XRCC2: variants seen among roughly 807,000 people sequenced by gnomAD.
XRCC2 encodes X-ray repair cross complementing 2, also known as DNA repair protein XRCC2.
A neutral mutation model predicts 27.3 loss-of-function variants in XRCC2; 24 were observed. The observed-to-expected ratio is 0.88, with a 90% CI of 0.64 to 1.24. The LOEUF (loss-of-function observed/expected upper bound fraction) is 1.24, where lower values mean the gene tolerates loss of function less well. Ranked by LOEUF, XRCC2 falls within the 50% of genes most tolerant of loss-of-function variation. The pLI is 0.00. For synonymous variants in XRCC2, 106 were observed against 115.4 expected (o/e 0.92, Z 0.52); for missense variants, 321 against 325.8 (o/e 0.99, Z 0.11).
At chr7:152,659,683 A>G (rs1278791410) in intron 2 of XRCC2, among the ~76,000 whole-genome samples, 1 of 152,250 alleles carries the variant, frequency 6.6e-6, no homozygotes, top group African/African-American at 2.4e-5. Flanking sequence ...AATTGCTGGC[A>G]ATGCAATGAT....
rs1563032964 is a variant in XRCC2, at chr7:152,667,428, A to AAAAAAAAAG, written c.40-6647_40-6646insCTTTTTTTT. Reference sequence around the variant, plus strand: ...CTCAAAAAAAAAAAAAAAAAAAAAGAAAAAAAGTATTATAATTTTATTGAC... The same window carrying AAAAAAAAAG: ...CTCAAAAAAAAAAAAAAAAAAAAAGAAAAAAAAAGAAAAAAGTATTATAATTTTATTGAC... On this transcript the variant is annotated intron_variant, in intron 1 of 2. Transcript: ENST00000359321. 2.5e-3 allele frequency among the ~76,000 whole-genome samples: 195 copies of AAAAAAAAAG among 77,876 alleles called. 2 individuals carry two copies. Among genetic ancestry groups the AAAAAAAAAG allele is most frequent in the African/African-American group, 5.6e-3 (110 of 19,722 alleles). 51.1% of individuals were successfully genotyped at this position (77,876 alleles called of 152,430 possible).
intron 1 of XRCC2, among the ~76,000 whole-genome samples, chr7:152,672,194 T>C (rs916917212): frequency 2.0e-5 from 3 of 152,172 alleles, no homozygotes; most frequent in African/African-American, 7.2e-5. Context: ...AGTAATTTGA[T>C]GGCAATGATA....
intron 2 of XRCC2, among the ~76,000 whole-genome samples, chr7:152,651,103 C>A (rs1212093607): frequency 2.0e-5 from 3 of 151,842 alleles, no homozygotes; most frequent in African/African-American, 7.2e-5. Context: ...CCGCGCCCAG[C>A]TAATTTTTGT....
At chr7:152,675,034 G>C (rs1387554060) in intron 1 of XRCC2, among the ~76,000 whole-genome samples, 3 of 151,902 alleles carry the variant, frequency 2.0e-5, no homozygotes, top group Admixed American at 6.6e-5. Flanking sequence ...CCACAAAAAT[G>C]TTTGCTGACT....
rs142808593 is a variant in XRCC2, at chr7:152,659,506, G to A, written c.121+1195C>T. On this transcript the variant is annotated intron_variant, in intron 2 of 2. Transcript: ENST00000359321. ...TTTTTAAATGAGCAAAGGATCTGACGTTTCTTCAAAGATATACAATTTGCC... is the reference window on the plus strand; with the variant it reads ...TTTTTAAATGAGCAAAGGATCTGACATTTCTTCAAAGATATACAATTTGCC... Among the ~76,000 whole-genome samples, 39 of 152,240 alleles carry A rather than the reference G, an allele frequency of 2.6e-4. No homozygotes were observed. In the East Asian group the frequency reaches 6.4e-3, roughly 25 times the overall value.
chr7:152,661,310 A>C (rs1445715641), intron 1 of XRCC2, among the ~76,000 whole-genome samples: 3 of 152,246 alleles, frequency 2.0e-5, no homozygotes, highest in Non-Finnish European at 2.9e-5. Flanking sequence ...AGTCTAGTTT[A>C]GGATATAAGA....
Position 152,675,695 on chromosome 7 carries a change from G to A in XRCC2, c.39+346C>T, listed in dbSNP as rs572631729. On this transcript the variant is annotated intron_variant, in intron 1 of 2. Transcript: ENST00000359321. ...TCTTGCATAGCTTGACATTTCCAACGGTAGTTAATTTGTGAGGGGTTTTTA... is the reference window on the plus strand; with the variant it reads ...TCTTGCATAGCTTGACATTTCCAACAGTAGTTAATTTGTGAGGGGTTTTTA... Among the ~76,000 whole-genome samples the A allele has an allele frequency of 4.6e-5, 7 of 152,292 alleles. No individual in the cohort carries two copies. In the South Asian group the frequency reaches 1.2e-3, roughly 27 times the overall value.
At chr7:152,654,488 C>G (rs948171222) in intron 2 of XRCC2, among the ~76,000 whole-genome samples, 1 of 152,074 alleles carries the variant, frequency 6.6e-6, no homozygotes, top group African/African-American at 2.4e-5. Context: ...ATAAATATAG[C>G]AGAAAAGTCA....
In XRCC2 at chr7:152,647,341, T is replaced by A. The variant is rs1445916488; in HGVS notation, c.*1301A>T. The A allele has an allele frequency of 1.3e-5, 2 of 152,224 alleles. No individual in the cohort carries two copies. The highest frequency in any genetic ancestry group is 2.9e-5 in the Non-Finnish European group (2 of 68,042). 9.4% of individuals were successfully genotyped at this position (152,224 alleles called of 1,614,324 possible). A position where few individuals can be genotyped will look rare whatever the true frequency, so the allele number is the denominator to read the frequency against. On this transcript the variant is annotated 3_prime_UTR_variant, in exon 3 of 3. Coordinates refer to ENST00000359321, the MANE Select transcript of XRCC2 (RefSeq NM_005431.2). ...ATAGTTTGCAACAATTTTCTCCCATTCTGTAAGCTGTCTGTTTACTCTCTT... is the reference window on the plus strand; with the variant it reads ...ATAGTTTGCAACAATTTTCTCCCATACTGTAAGCTGTCTGTTTACTCTCTT...
Position 152,647,459 on chromosome 7 carries a change from T to C in XRCC2, c.*1183A>G, listed in dbSNP as rs1158361934. The C allele has an allele frequency of 6.6e-6, 1 of 152,252 alleles. No individual in the cohort carries two copies. The highest frequency in any genetic ancestry group is 1.5e-5 in the Non-Finnish European group (1 of 68,044). 9.4% of individuals were successfully genotyped at this position (152,252 alleles called of 1,614,324 possible). A position where few individuals can be genotyped will look rare whatever the true frequency, so the allele number is the denominator to read the frequency against. On this transcript the variant is annotated 3_prime_UTR_variant, in exon 3 of 3. Transcript: ENST00000359321. ...GCAATTGTTTTTGGCGTCTTCGTCATGAAATCTTTGCCTGTGCCTATGTCC... is the reference window on the plus strand; with the variant it reads ...GCAATTGTTTTTGGCGTCTTCGTCACGAAATCTTTGCCTGTGCCTATGTCC...
intron 2 of XRCC2, among the ~76,000 whole-genome samples, chr7:152,660,118 T>C (rs1228701279): frequency 6.6e-6 from 1 of 152,150 alleles, no homozygotes; most frequent in Non-Finnish European, 1.5e-5. Flanking sequence ...AGAAAGTAGA[T>C]TAGTAGTTGC....
At chr7:152,670,887 A>G (rs2098037891) in intron 1 of XRCC2, among the ~76,000 whole-genome samples, 1 of 152,158 alleles carries the variant, frequency 6.6e-6, no homozygotes, top group Non-Finnish European at 1.5e-5. Context: ...CACCACGCCC[A>G]GCCCATACAG....
At chr7:152,674,160 G>A (rs1172991395) in intron 1 of XRCC2, among the ~76,000 whole-genome samples, 2 of 152,290 alleles carry the variant, frequency 1.3e-5, no homozygotes, top group East Asian at 1.9e-4. Flanking sequence ...AGTAGTATGA[G>A]CTAGGCTTAG....
intron 1 of XRCC2, among the ~76,000 whole-genome samples, chr7:152,663,761 T>C (rs1465827850): frequency 6.6e-6 from 1 of 151,714 alleles, no homozygotes; most frequent in Non-Finnish European, 1.5e-5. Context: ...ATCGCTTGAG[T>C]CCAGGAGGTC....
chr7:152,667,447 T>C (rs954712639), intron 1 of XRCC2, among the ~76,000 whole-genome samples: 2 of 150,704 alleles, frequency 1.3e-5, no homozygotes. Flanking sequence ...ATTATAATTT[T>C]ATTGACGGGA....
chr7:152,649,430 C>G lies in XRCC2; in HGVS notation c.122-67G>C. 4.0e-6 allele frequency: 6 copies of G among 1,496,638 alleles called. No homozygotes were observed. In the South Asian group the frequency reaches 8.5e-5, roughly 21 times the overall value. The allele number at this position is 1,496,638 out of a possible 1,614,324, so 92.7% of individuals were successfully genotyped here. On this transcript the variant is annotated intron_variant, in intron 2 of 2. Transcript: ENST00000359321. ...AAGGGTAGGTTACAAAATGCAAAGT[C>G]TGCAAAAAAGTTTAAAAAGACACTT...
At chr7:152,649,712 C>T (rs1299262377) in intron 2 of XRCC2, among the ~76,000 whole-genome samples, 1 of 152,194 alleles carries the variant, frequency 6.6e-6, no homozygotes, top group Non-Finnish European at 1.5e-5. Flanking sequence ...ATCCATTCTT[C>T]CCTTCTTCCT....
intron 2 of XRCC2, among the ~76,000 whole-genome samples, chr7:152,660,410 A>G (rs1390364903): frequency 6.6e-6 from 1 of 152,258 alleles, no homozygotes; most frequent in Non-Finnish European, 1.5e-5. Flanking sequence ...AAGCTTCTAA[A>G]GAAAAGGAAT....
chr7:152,660,624 G>A (rs1391275620), intron 2 of XRCC2, 77 bp downstream of exon 2: 4 of 1,184,690 alleles, frequency 3.4e-6, no homozygotes, highest in East Asian at 2.4e-5. Flanking sequence ...TGAGGAGTAT[G>A]TGTATACATG....
Sources: gnomAD v4.1 joint callset for allele counts (sites outside exome capture counted in the v4.1 genomes callset) on GRCh38, gnomAD v4.1.1 for gene constraint, MANE v1.5 for transcripts, NCBI Gene and HGNC (gene_info 2026-07-23, HGNC 2026-07-21) for gene names.